Variants in GALNT13 observed in about 807,000 individuals in gnomAD.
The protein encoded by GALNT13 is UDP-GalNAc:polypeptide N-acetylgalactosaminyltransferase 13.
Under a neutral mutation model 64.2 loss-of-function variants are expected in GALNT13, and 28 were observed. The ratio of observed to expected loss-of-function variants is 0.44; its 90% confidence interval spans 0.32 to 0.60. GALNT13 has a LOEUF of 0.60. Among genes scored for constraint, GALNT13 ranks in the 20% least tolerant of loss-of-function variants. GALNT13 has a pLI of 0.05. For missense variants in GALNT13, 577 were observed against 669.8 expected (o/e 0.86, Z 1.53); for synonymous variants, 214 against 224.6 (o/e 0.95, Z 0.42).
the GALNT13 span, among the ~76,000 whole-genome samples, chr2:153,255,369 A>G: frequency 7.3e-6 from 1 of 137,482 alleles, no homozygotes; most frequent in African/African-American, 2.8e-5. Flanking sequence ...GTGTCTCTGC[A>G]CGTGAGATGG....
At chr2:154,274,499 A>C (rs1342822345) in intron 8 of GALNT13, among the ~76,000 whole-genome samples, 1 of 152,034 alleles carries the variant, frequency 6.6e-6, no homozygotes, top group Non-Finnish European at 1.5e-5. Flanking sequence ...GTGTCATGGA[A>C]GGGATCCAGT....
At chr2:153,096,027 A>G in the GALNT13 span, among the ~76,000 whole-genome samples, 7 of 142,600 alleles carry the variant, frequency 4.9e-5, no homozygotes, top group Non-Finnish European at 7.6e-5. Flanking sequence ...AACTTAAAGT[A>G]TAATAAAATA....
In GALNT13 at chr2:153,916,118, T is replaced by C. The variant is rs79416810; in HGVS notation, c.-105+15111T>C. 7.3e-3 allele frequency among the ~76,000 whole-genome samples: 1,085 copies of C among 149,372 alleles called. 86 individuals carry two copies. In the East Asian group the frequency reaches 0.21, roughly 29 times the overall value. The stretch of plus-strand genomic sequence containing the variant: ...TTCCTTCTGTCCTTCCTTCCTCCCT[T>C]CCTTCCTTCGTTCCTTCCTTCCTTC... On this transcript the variant is annotated intron_variant, in intron 2 of 12. Coordinates refer to ENST00000392825, the MANE Select transcript of GALNT13 (RefSeq NM_052917.4).
At chr2:154,267,870 C>T (rs1269499582) in intron 8 of GALNT13, among the ~76,000 whole-genome samples, 2 of 151,922 alleles carry the variant, frequency 1.3e-5, no homozygotes, top group East Asian at 3.9e-4. Flanking sequence ...CTACAAATGG[C>T]AAATAAGCAA....
the GALNT13 span, among the ~76,000 whole-genome samples, chr2:153,467,017 G>T: frequency 6.6e-6 from 1 of 151,988 alleles, no homozygotes; most frequent in Non-Finnish European, 1.5e-5. Context: ...CCACAAAAAA[G>T]TCTTTTAACT....
At chr2:153,871,344 C>A (rs1685913698), upstream of GALNT13, among the ~76,000 whole-genome samples, 1 of 152,188 alleles carries the variant, frequency 6.6e-6, no homozygotes, top group Non-Finnish European at 1.5e-5. Flanking sequence ...AACCAGAACA[C>A]TAGGATCCTG....
At chr2:153,097,035 T>TATAA in the GALNT13 span, among the ~76,000 whole-genome samples, 4 of 152,120 alleles carry the variant, frequency 2.6e-5, no homozygotes, top group African/African-American at 9.7e-5. Flanking sequence ...GTGTGTTCGT[T>TATAA]GTATGTTTTT....
the GALNT13 span, among the ~76,000 whole-genome samples, chr2:153,480,829 A>G: frequency 1.8e-4 from 28 of 152,326 alleles, no homozygotes; most frequent in African/African-American, 6.7e-4. Context: ...GGTGTAAGCA[A>G]ATGGAGAGCC....
rs777690153 is a variant in GALNT13, at chr2:154,242,772, C to T, written c.553C>T (p.Arg185Cys). The T allele has an allele frequency of 6.8e-6, 11 of 1,613,776 alleles. No individual in the cohort carries two copies. The highest frequency in any genetic ancestry group is 3.3e-5 in the Admixed American group (2 of 59,992). Residue 185 changes from arginine (R) to cysteine (C), a missense_variant, in exon 6 of 13, where the codon CGC (arginine) becomes TGC (cysteine). Arg to Cys is a radical substitution (Grantham distance 180, BLOSUM62 -3). Transcript: ENST00000392825. ...AGTAAAAATTATTAGGATGGAAGAA[C>T]GCTCTGGGTTAATACGTGCCCGTCT... ...VPVKIIRMEE[R>C]SGLIRARLRG... is the part of the protein sequence containing the mutation.
At chr2:154,024,101 G>A (rs1200960294) in intron 3 of GALNT13, among the ~76,000 whole-genome samples, 2 of 152,112 alleles carry the variant, frequency 1.3e-5, no homozygotes, top group Admixed American at 6.5e-5. Context: ...TGGGTAACCC[G>A]ACCTTTCTCT....
At chr2:154,379,899 A>G (rs1257782247) in intron 9 of GALNT13, among the ~76,000 whole-genome samples, 1 of 152,056 alleles carries the variant, frequency 6.6e-6, no homozygotes, top group Non-Finnish European at 1.5e-5. Context: ...CACTTATCTT[A>G]ATGACTGTTA....
the GALNT13 span, among the ~76,000 whole-genome samples, chr2:153,249,022 C>T: frequency 6.6e-6 from 1 of 152,072 alleles, no homozygotes; most frequent in Non-Finnish European, 1.5e-5. Context: ...ATTGAAAGTT[C>T]TAGCCAGGGC....
the GALNT13 span, among the ~76,000 whole-genome samples, chr2:153,436,005 A>G: frequency 2.6e-5 from 4 of 152,160 alleles, no homozygotes; most frequent in African/African-American, 9.7e-5. Context: ...ACGTGCCATC[A>G]ATACCTAATT....
At chr2:153,632,490 G>A in the GALNT13 span, among the ~76,000 whole-genome samples, 1 of 151,970 alleles carries the variant, frequency 6.6e-6, no homozygotes, top group Non-Finnish European at 1.5e-5. Context: ...TTCACTGCCT[G>A]AAAAAATCCC....
chr2:153,383,477 G>A, the GALNT13 span, among the ~76,000 whole-genome samples: 1 of 152,020 alleles, frequency 6.6e-6, no homozygotes, highest in African/African-American at 2.4e-5. Flanking sequence ...GAATCAGACT[G>A]AAAGTTGTTT....
At chr2:154,209,659 T>C (rs964263049) in intron 4 of GALNT13, among the ~76,000 whole-genome samples, 1 of 152,176 alleles carries the variant, frequency 6.6e-6, no homozygotes, top group East Asian at 1.9e-4. Context: ...CTTTTAAGAA[T>C]TGTCCCACAT....
At chr2:153,547,208 G>A in the GALNT13 span, among the ~76,000 whole-genome samples, 1 of 152,186 alleles carries the variant, frequency 6.6e-6, no homozygotes, top group African/African-American at 2.4e-5. Flanking sequence ...ATGCACCCAT[G>A]TGCTAGGCCC....
the GALNT13 span, among the ~76,000 whole-genome samples, chr2:153,567,698 C>T: frequency 1.3e-5 from 2 of 152,060 alleles, no homozygotes; most frequent in East Asian, 3.8e-4. Flanking sequence ...AGTAGAAACT[C>T]GGTAACGAGA....
chr2:153,449,384 A>G, the GALNT13 span, among the ~76,000 whole-genome samples: 1 of 151,690 alleles, frequency 6.6e-6, no homozygotes, highest in African/African-American at 2.4e-5. Context: ...CTCTTTCATA[A>G]CTCCAGTCCC....
Sources: allele counts gnomAD v4.1 joint callset (sites outside exome capture counted in the v4.1 genomes callset), GRCh38; gene constraint gnomAD v4.1.1; transcripts MANE v1.5; gene names NCBI Gene and HGNC (gene_info 2026-07-23, HGNC 2026-07-21).